The following CTNNA3 variants were observed in gnomAD, a reference collection of about 807,000 sequenced individuals.
The protein encoded by CTNNA3 is catenin alpha 3.
In CTNNA3, 76 loss-of-function variants were observed where a neutral mutation model predicts 95.7. The observed-to-expected ratio is 0.79, with a 90% CI of 0.66 to 0.96. The LOEUF is 0.96. Among genes scored for constraint, CTNNA3 ranks in the 40% least tolerant of loss-of-function variants. The probability of loss-of-function intolerance (pLI) is 0.00; values close to 1 mark genes in which losing one functional copy is unlikely to be tolerated. For synonymous variants in CTNNA3, 431 were observed against 374.4 expected (o/e 1.15, Z -1.74); for missense variants, 1,191 against 1,089.8 (o/e 1.09, Z -1.31).
chr10:66,293,667 C>CTTTTT (rs11374911), intron 12 of CTNNA3, among the ~76,000 whole-genome samples: 1 of 138,394 alleles, frequency 7.2e-6, no homozygotes, highest in African/African-American at 2.7e-5. Context: ...TTTTTTCTTT[C>CTTTTT]TTTTTTTTTT....
chr10:66,957,198 A>G (rs1422898620), intron 7 of CTNNA3, among the ~76,000 whole-genome samples: 1 of 152,004 alleles, frequency 6.6e-6, no homozygotes, highest in East Asian at 1.9e-4. Flanking sequence ...TTTATCAAAG[A>G]TATCTCCCAC....
intron 7 of CTNNA3, among the ~76,000 whole-genome samples, chr10:66,780,403 TA>T (rs11320728): frequency 0.65 from 97,831 of 151,468 alleles, 31,805 homozygotes; most frequent in East Asian, 0.76. Context: ...AAGGACTCTA[TA>T]ATAGAGTAAC....
rs555277181 is a variant in CTNNA3, at chr10:65,950,485, GCT to G, written c.2400+16125_2400+16126del. ...GTGAACATCAGGATGTCTGCATCCA[GCT>G]CTGTTTTTTTCCTTCAGCTGCACTT... On this transcript the variant is annotated intron_variant, in intron 17 of 17. Transcript: ENST00000433211. Among the ~76,000 whole-genome samples the G allele has an allele frequency of 1.1e-4, 17 of 152,070 alleles. No homozygotes were observed. The South Asian group carries it at 1.9e-3, about 17-fold the overall frequency.
intron 9 of CTNNA3, among the ~76,000 whole-genome samples, chr10:66,706,651 T>C (rs1848128169): frequency 6.6e-6 from 1 of 152,024 alleles, no homozygotes; most frequent in African/African-American, 2.4e-5. Context: ...TTTTAGGCTA[T>C]TGTCTTCCTG....
intron 7 of CTNNA3, among the ~76,000 whole-genome samples, chr10:66,840,372 T>TCTCA (rs1843023433): frequency 1.5e-4 from 11 of 71,374 alleles, no homozygotes; most frequent in South Asian, 1.1e-3. Context: ...TCTCTCTCTC[T>TCTCA]CACACACACA....
intron 7 of CTNNA3, among the ~76,000 whole-genome samples, chr10:66,950,857 G>A (rs968979883): frequency 1.3e-5 from 2 of 152,090 alleles, no homozygotes; most frequent in African/African-American, 4.8e-5. Context: ...CAGGGAGTTT[G>A]GTCTTAACCC....
chr10:67,342,099 C>CATTTT (rs1554824819), intron 5 of CTNNA3, among the ~76,000 whole-genome samples: 1 of 83,660 alleles, frequency 1.2e-5, no homozygotes, highest in Admixed American at 1.8e-4. Context: ...TATTTTTCTT[C>CATTTT]TTTTTTTTTT....
rs541723461 is a variant in CTNNA3 at position 66,958,548 on chromosome 10, T to C, written c.1048-183024A>G. On this transcript the variant is annotated intron_variant, in intron 7 of 17. Coordinates refer to ENST00000433211, the MANE Select transcript of CTNNA3 (RefSeq NM_013266.4). Reference sequence around the variant, plus strand: ...GCAGCTGGGTTCAGAATTTGCATGTTTCCCAGGCAAAAGAATTCAATAAGT... The same window carrying C: ...GCAGCTGGGTTCAGAATTTGCATGTCTCCCAGGCAAAAGAATTCAATAAGT... Among the ~76,000 whole-genome samples the C allele has an allele frequency of 1.4e-4, 21 of 152,234 alleles. No homozygotes were observed. The South Asian group carries it at 3.5e-3, about 26-fold the overall frequency.
intron 1 of CTNNA3, among the ~76,000 whole-genome samples, chr10:67,704,846 C>T (rs1469387010): frequency 6.6e-6 from 1 of 151,580 alleles, no homozygotes. Flanking sequence ...AGGCAACCTA[C>T]AAAATGGGAG....
chr10:66,308,367 A>G (rs1424164392), intron 12 of CTNNA3, among the ~76,000 whole-genome samples: 3 of 152,194 alleles, frequency 2.0e-5, no homozygotes, highest in Non-Finnish European at 4.4e-5. Context: ...AAAGCACTAA[A>G]TATTGAAACT....
At chr10:66,733,732 T>C (rs187538655) in intron 9 of CTNNA3, among the ~76,000 whole-genome samples, 1 of 151,830 alleles carries the variant, frequency 6.6e-6, no homozygotes, top group East Asian at 1.9e-4. Flanking sequence ...ATTTTCTCTG[T>C]ATTTGTAACT....
At chr10:66,266,057 G>C (rs913856283) in intron 13 of CTNNA3, among the ~76,000 whole-genome samples, 1 of 148,164 alleles carries the variant, frequency 6.7e-6, no homozygotes, top group African/African-American at 2.5e-5. Flanking sequence ...GAGGGAGGGA[G>C]GAAAAGAAGG....
chr10:66,697,176 C>T (rs1847796128), intron 9 of CTNNA3, among the ~76,000 whole-genome samples: 1 of 150,606 alleles, frequency 6.6e-6, no homozygotes, highest in Non-Finnish European at 1.5e-5. Context: ...TCTTTTACCA[C>T]TTTTATTACT....
chr10:67,716,619 G>A (rs941029832), intron 1 of CTNNA3, among the ~76,000 whole-genome samples: 7 of 152,136 alleles, frequency 4.6e-5, no homozygotes, highest in Non-Finnish European at 1.0e-4. Flanking sequence ...ATGGTTTCCA[G>A]CTTCATCCAT....
chr10:66,610,423 A>G (rs983597848), intron 10 of CTNNA3, among the ~76,000 whole-genome samples: 1 of 152,160 alleles, frequency 6.6e-6, no homozygotes, highest in Non-Finnish European at 1.5e-5. Flanking sequence ...TAGACAATAA[A>G]TAAAGGAACT....
chr10:66,156,988 G>C (rs1292094973), intron 13 of CTNNA3, among the ~76,000 whole-genome samples: 1 of 151,794 alleles, frequency 6.6e-6, no homozygotes, highest in African/African-American at 2.4e-5. Context: ...TTTCAGTTTT[G>C]TATTTCATTT....
At chr10:66,267,197 G>A (rs1168788319) in intron 13 of CTNNA3, among the ~76,000 whole-genome samples, 1 of 151,970 alleles carries the variant, frequency 6.6e-6, no homozygotes, top group African/African-American at 2.4e-5. Flanking sequence ...ATGTTTCTTT[G>A]ACATGCATGA....
chr10:67,668,774 A>C lies in CTNNA3; in HGVS notation c.-5-21256T>G, dbSNP rs1014641894. 4.2e-4 allele frequency among the ~76,000 whole-genome samples: 63 copies of C among 150,448 alleles called. 4 individuals carry two copies. The highest frequency in any genetic ancestry group is 2.9e-5 in the Non-Finnish European group (2 of 67,820). On this transcript the variant is annotated intron_variant, in intron 1 of 17. Coordinates refer to ENST00000433211, the MANE Select transcript of CTNNA3 (RefSeq NM_013266.4). ...ATTTCATATTTTCAGACCAGGGTTG[A>C]CCTTGAGTATCTAAAACCACAGAAA...
chr10:67,128,946 A>G (rs1273389459), intron 7 of CTNNA3, among the ~76,000 whole-genome samples: 1 of 152,142 alleles, frequency 6.6e-6, no homozygotes, highest in African/African-American at 2.4e-5. Flanking sequence ...AAACTAGGCT[A>G]ATCATGAAAA....
Sources: gnomAD v4.1 joint callset for allele counts (sites outside exome capture counted in the v4.1 genomes callset) on GRCh38, gnomAD v4.1.1 for gene constraint, MANE v1.5 for transcripts, NCBI Gene and HGNC (gene_info 2026-07-23, HGNC 2026-07-21) for gene names.